ST3GAL4: variants seen among roughly 807,000 people sequenced by gnomAD.
ST3GAL4 encodes the protein CMP-N-acetylneuraminate-beta-galactosamide-alpha-2,3-sialyltransferase 4.
Under a neutral mutation model 42.6 loss-of-function variants are expected in ST3GAL4, and 24 were observed. The observed-to-expected ratio is 0.56, with a 90% CI of 0.41 to 0.79. The LOEUF is 0.79. Among genes scored for constraint, ST3GAL4 ranks in the 30% least tolerant of loss-of-function variants. ST3GAL4 has a pLI of 0.00. For synonymous variants in ST3GAL4, 135 were observed against 163.2 expected (o/e 0.83, Z 1.32); for missense variants, 311 against 430.8 (o/e 0.72, Z 2.46).
In ST3GAL4 at chr11:126,409,231, C is replaced by T; in HGVS notation, c.628-37C>T. On this transcript the variant is annotated intron_variant, in intron 8 of 10. Coordinates refer to ENST00000444328, the MANE Select transcript of ST3GAL4 (RefSeq NM_001254757.2). This position sits in a 1 kb window ranked among gnomAD's most constrained non-coding sequence, Gnocchi z 4.9. ...TTGGATTTGAGAAACAGGGCTTCACCCGCTTCTGTCTCTCTCTTCTGACCC... is the reference window on the plus strand; with the variant it reads ...TTGGATTTGAGAAACAGGGCTTCACTCGCTTCTGTCTCTCTCTTCTGACCC... The T allele has an allele frequency of 6.2e-7, 1 of 1,606,320 alleles. No homozygotes were observed. Among genetic ancestry groups the T allele is most frequent in the Non-Finnish European group, 8.5e-7 (1 of 1,173,536 alleles).
chr11:126,356,155 C>T (rs1330314680), intron 1 of ST3GAL4: 1 of 152,676 alleles, frequency 6.5e-6, no homozygotes, highest in East Asian at 1.9e-4. Context: ...AAGCGGCGGC[C>T]CCCACCTCCA....
chr11:126,402,091 AAG>A (rs1491239342), intron 1 of ST3GAL4, among the ~76,000 whole-genome samples: 2 of 131,674 alleles, frequency 1.5e-5, no homozygotes, highest in African/African-American at 5.5e-5. Context: ...ATTTGGGGGA[AAG>A]AGGGGAGGTA....
rs1045542935 is a variant in ST3GAL4 at position 126,383,413 on chromosome 11, C to T, written c.-60-22683C>T. Among the ~76,000 whole-genome samples, 3 of 152,118 alleles carry T rather than the reference C, an allele frequency of 2.0e-5. No homozygotes were observed. Among genetic ancestry groups the T allele is most frequent in the African/African-American group, 7.2e-5 (3 of 41,450 alleles). ...GCTGGGGTGGGAGGAACCCACTGGG[C>T]CTGAGGGAGGTAGAGCAGCAGCAGC... On this transcript the variant is annotated intron_variant, in intron 1 of 10. Coordinates refer to ENST00000444328, the MANE Select transcript of ST3GAL4 (RefSeq NM_001254757.2). This position sits in a 1 kb window ranked among gnomAD's most constrained non-coding sequence, Gnocchi z 4.5.
At chr11:126,388,821 G>C (rs1389068835) in intron 1 of ST3GAL4, among the ~76,000 whole-genome samples, 1 of 132,616 alleles carries the variant, frequency 7.5e-6, no homozygotes, top group Admixed American at 9.2e-5. Context: ...GCCCAGGCTG[G>C]AGTGCAGTGC....
At chr11:126,375,359 G>A (rs1468403455) in intron 1 of ST3GAL4, among the ~76,000 whole-genome samples, 2 of 152,182 alleles carry the variant, frequency 1.3e-5, no homozygotes, top group Non-Finnish European at 2.9e-5. Flanking sequence ...GCCTTCGAAG[G>A]ACTTGGATGT....
rs1457561759 is a variant in ST3GAL4, at chr11:126,379,277, T to C, written c.-61+23435T>C. On this transcript the variant is annotated intron_variant, in intron 1 of 10. Transcript: ENST00000444328. This position sits in a 1 kb window ranked among gnomAD's most constrained non-coding sequence, Gnocchi z 4.2. The stretch of plus-strand genomic sequence containing the variant: ...TTGAGCAGTAGATCTTAGAGGATAT[T>C]CAGTGTGGATAATGAAATTCCCTAA... Among the ~76,000 whole-genome samples, 2 of 152,212 alleles carry C rather than the reference T, an allele frequency of 1.3e-5. No individual in the cohort carries two copies. The highest frequency in any genetic ancestry group is 4.8e-5 in the African/African-American group (2 of 41,460).
In ST3GAL4 at chr11:126,355,704, T is replaced by A. The variant is rs1952036741; in HGVS notation, c.-199T>A. 6.6e-6 allele frequency: 1 copy of A among 151,028 alleles called. No homozygotes were observed. The highest frequency in any genetic ancestry group is 6.6e-5 in the Admixed American group (1 of 15,230). The allele number at this position is 151,028 out of a possible 1,614,324, so 9.4% of individuals were successfully genotyped here. A position where few individuals can be genotyped will look rare whatever the true frequency, so the allele number is the denominator to read the frequency against. ...CTCCCCTGCAGGCGGACTCGCCCGCTCCCAGGCCGGACCCGCGCCCGGGAC... is the reference window on the plus strand; with the variant it reads ...CTCCCCTGCAGGCGGACTCGCCCGCACCCAGGCCGGACCCGCGCCCGGGAC... On this transcript the variant is annotated 5_prime_UTR_variant, in exon 1 of 11. Transcript: ENST00000444328. The surrounding 1 kb of genome is among the most constrained non-coding windows in gnomAD (Gnocchi z 7.1).
Position 126,411,221 on chromosome 11 carries a change from C to T in ST3GAL4, c.771+1810C>T, listed in dbSNP as rs1436644011. ...AGTGCAGTGGGGTGATCTTGGCTCA[C>T]TGCAACCTCTGCCTCCCAGGTTCAA... On this transcript the variant is annotated intron_variant, in intron 9 of 10. Transcript: ENST00000444328. The surrounding 1 kb of genome is among the most constrained non-coding windows in gnomAD (Gnocchi z 6.3). 6.6e-6 allele frequency among the ~76,000 whole-genome samples: 1 copy of T among 151,932 alleles called. No homozygotes were observed. Among genetic ancestry groups the T allele is most frequent in the African/African-American group, 2.4e-5 (1 of 41,370 alleles).
intron 1 of ST3GAL4, among the ~76,000 whole-genome samples, chr11:126,371,072 T>C (rs1952621167): frequency 6.6e-6 from 1 of 151,938 alleles, no homozygotes; most frequent in Non-Finnish European, 1.5e-5. Context: ...CCTTATCCCA[T>C]ATTAGATATT....
intron 1 of ST3GAL4, among the ~76,000 whole-genome samples, chr11:126,377,369 C>T (rs1237688464): frequency 6.6e-6 from 1 of 151,918 alleles, no homozygotes; most frequent in Non-Finnish European, 1.5e-5. Context: ...TGGGATTTCA[C>T]CATGTTGGCC....
At chr11:126,368,488 G>A (rs1310292900) in intron 1 of ST3GAL4, among the ~76,000 whole-genome samples, 1 of 152,216 alleles carries the variant, frequency 6.6e-6, no homozygotes, top group Admixed American at 6.5e-5. Context: ...CTGGGACAGG[G>A]GTATTATTCC....
intron 1 of ST3GAL4, among the ~76,000 whole-genome samples, chr11:126,399,897 G>A (rs536839234): frequency 1.3e-5 from 2 of 152,186 alleles, no homozygotes; most frequent in African/African-American, 2.4e-5. Context: ...CTTCACGATC[G>A]ATATTTCTAC....
chr11:126,366,531 C>T lies in ST3GAL4; in HGVS notation c.-61+10689C>T, dbSNP rs559101645. Among the ~76,000 whole-genome samples, 12 of 152,158 alleles carry T rather than the reference C, an allele frequency of 7.9e-5. No homozygotes were observed. Among genetic ancestry groups the T allele is most frequent in the African/African-American group, 1.2e-4 (5 of 41,426 alleles). On this transcript the variant is annotated intron_variant, in intron 1 of 10. Transcript: ENST00000444328. The surrounding 1 kb of genome is among the most constrained non-coding windows in gnomAD (Gnocchi z 4.2). ...CTTGCTTTCCTCACCCCGCTTCCCA[C>T]GTCTTCATTGAGTCCTCATCTGGGG...
At chr11:126,405,801 G>GAACCAC in intron 1 of ST3GAL4, 1 of 403,302 alleles carries the variant, frequency 2.5e-6, no homozygotes, top group South Asian at 3.0e-5. Context: ...ATGGTGAGAA[G>GAACCAC]AACCACACCA....
rs895129848 is a variant in ST3GAL4, at chr11:126,391,220, T to A, written c.-60-14876T>A. ...GGGATATACCCAGAAGTGCAGTTGC[T>A]TGATCCTATCCTGTCCCTTGCTTTT... On this transcript the variant is annotated intron_variant, in intron 1 of 10. Coordinates refer to ENST00000444328, the MANE Select transcript of ST3GAL4 (RefSeq NM_001254757.2). This position sits in a 1 kb window ranked among gnomAD's most constrained non-coding sequence, Gnocchi z 5.5. 2.0e-5 allele frequency among the ~76,000 whole-genome samples: 3 copies of A among 152,222 alleles called. No individual in the cohort carries two copies. The highest frequency in any genetic ancestry group is 7.2e-5 in the African/African-American group (3 of 41,476).
intron 1 of ST3GAL4, among the ~76,000 whole-genome samples, chr11:126,368,652 G>A (rs1952523926): frequency 6.6e-6 from 1 of 152,240 alleles, no homozygotes; most frequent in East Asian, 1.9e-4. Flanking sequence ...AAAGGTGGCT[G>A]GAGCCAGCTC....
intron 1 of ST3GAL4, among the ~76,000 whole-genome samples, chr11:126,405,189 T>C (rs1232205039): frequency 6.6e-6 from 1 of 152,252 alleles, no homozygotes; most frequent in Admixed American, 6.5e-5. Flanking sequence ...TGGAAGAAAC[T>C]GGCACTTGGC....
chr11:126,359,729 C>CTCCCTCCTTCCCTCCT lies in ST3GAL4; in HGVS notation c.-61+3908_-61+3923dup, dbSNP rs149358402. ...GCGGGGCAGGACAAGGTTCTTCTCC[C>CTCCCTCCTTCCCTCCT]TCCCTCCTTCCCTCCTTCCCTCCTT... On this transcript the variant is annotated intron_variant, in intron 1 of 10. Coordinates refer to ENST00000444328, the MANE Select transcript of ST3GAL4 (RefSeq NM_001254757.2). The surrounding 1 kb of genome is among the most constrained non-coding windows in gnomAD (Gnocchi z 4.8). Among the ~76,000 whole-genome samples, 100 of 151,474 alleles carry CTCCCTCCTTCCCTCCT rather than the reference C, an allele frequency of 6.6e-4. 1 individual carries two copies. Among genetic ancestry groups the CTCCCTCCTTCCCTCCT allele is most frequent in the African/African-American group, 2.0e-3 (81 of 41,046 alleles).
At chr11:126,399,312 T>TTTG (rs1218137928) in intron 1 of ST3GAL4, among the ~76,000 whole-genome samples, 2 of 136,940 alleles carry the variant, frequency 1.5e-5, no homozygotes, top group African/African-American at 5.4e-5. Flanking sequence ...TTTTTTTTTT[T>TTTG]TTTTTTTTTT....
Sources: allele counts gnomAD v4.1 joint callset (sites outside exome capture counted in the v4.1 genomes callset), GRCh38; gene constraint gnomAD v4.1.1; non-coding constraint Gnocchi (gnomAD v3.1); transcripts MANE v1.5; gene names NCBI Gene and HGNC (gene_info 2026-07-23, HGNC 2026-07-21).